Variants in CSMD1 observed in about 807,000 individuals in gnomAD.
The protein encoded by CSMD1 is CUB and Sushi multiple domains 1, also known as CUB and sushi domain-containing protein 1.
In CSMD1, 213 loss-of-function variants were observed where a neutral mutation model predicts 417.5. The observed-to-expected ratio is 0.51, with a 90% CI of 0.46 to 0.57. The LOEUF (loss-of-function observed/expected upper bound fraction) is 0.57, where lower values mean the gene tolerates loss of function less well. CSMD1 is among the 20% of genes least tolerant of loss of function. The pLI, the probability that CSMD1 is intolerant of heterozygous loss-of-function variation, is 0.00. For synonymous variants in CSMD1, 2,862 were observed against 1,736.8 expected (o/e 1.65, Z -16.11); for missense variants, 6,923 against 4,529.7 (o/e 1.53, Z -15.17).
chr8:4,030,100 G>A (rs1468066170), intron 4 of CSMD1, among the ~76,000 whole-genome samples: 1 of 152,188 alleles, frequency 6.6e-6, no homozygotes, highest in Non-Finnish European at 1.5e-5. Context: ...TTCATGGGCT[G>A]CTGTTAACTG....
intron 25 of CSMD1, among the ~76,000 whole-genome samples, chr8:3,294,399 G>C (rs1371016374): frequency 6.6e-6 from 1 of 152,186 alleles, no homozygotes; most frequent in Non-Finnish European, 1.5e-5. Flanking sequence ...GCCTTCTGTT[G>C]GTCTGTGCCC....
At chr8:3,416,490 C>T (rs906502626) in intron 12 of CSMD1, among the ~76,000 whole-genome samples, 10 of 151,988 alleles carry the variant, frequency 6.6e-5, no homozygotes, top group Admixed American at 5.2e-4. Flanking sequence ...AGAATGTATT[C>T]GGTGTATACT....
intron 5 of CSMD1, among the ~76,000 whole-genome samples, chr8:3,914,501 T>A (rs947224039): frequency 1.3e-5 from 2 of 152,228 alleles, no homozygotes; most frequent in South Asian, 2.1e-4. Flanking sequence ...GTGTGCAATC[T>A]GTGTAAAGTT....
intron 1 of CSMD1, among the ~76,000 whole-genome samples, chr8:4,849,020 G>A (rs1023686439): frequency 4.0e-5 from 6 of 151,826 alleles, no homozygotes; most frequent in South Asian, 2.1e-4. Flanking sequence ...TGTCATCCTA[G>A]GAGATGACAG....
intron 3 of CSMD1, among the ~76,000 whole-genome samples, chr8:4,120,498 G>A (rs954414895): frequency 1.3e-5 from 2 of 152,126 alleles, no homozygotes; most frequent in East Asian, 1.9e-4. Flanking sequence ...AGAACCAGGA[G>A]ATCAATTATT....
intron 1 of CSMD1, among the ~76,000 whole-genome samples, chr8:4,928,399 G>C (rs1243301806): frequency 6.6e-6 from 1 of 152,156 alleles, no homozygotes; most frequent in Non-Finnish European, 1.5e-5. Context: ...AAGAGCTGGG[G>C]CTTTCCCTGA....
At chr8:3,422,453 A>G (rs777425667) in intron 12 of CSMD1, among the ~76,000 whole-genome samples, 1 of 152,146 alleles carries the variant, frequency 6.6e-6, no homozygotes, top group African/African-American at 2.4e-5. Flanking sequence ...TTTCAAAAAT[A>G]TCATGTGCAT....
intron 56 of CSMD1, among the ~76,000 whole-genome samples, 152 bp downstream of exon 56, chr8:2,974,299 C>T (rs146471766): frequency 1.7e-4 from 26 of 152,328 alleles, no homozygotes; most frequent in Non-Finnish European, 2.8e-4. Context: ...TCTATAAGAG[C>T]GGCGTATTTG....
At chr8:4,102,035 A>T (rs989485459) in intron 3 of CSMD1, among the ~76,000 whole-genome samples, 3 of 152,214 alleles carry the variant, frequency 2.0e-5, no homozygotes, top group Non-Finnish European at 1.5e-5. Context: ...GATATGCAGA[A>T]ATCCCAAGTC....
At chr8:4,722,267 T>C (rs1405871831) in intron 1 of CSMD1, among the ~76,000 whole-genome samples, 1 of 152,170 alleles carries the variant, frequency 6.6e-6, no homozygotes, top group Admixed American at 6.6e-5. Flanking sequence ...GCTATCATAT[T>C]ATATTCCTTA....
At position 3,906,991 on chromosome 8, in the gene CSMD1, G is replaced by T. The variant is rs74685139; in HGVS notation, c.818+90912C>A. Among the ~76,000 whole-genome samples, 1,503 of 152,234 alleles carry T rather than the reference G, an allele frequency of 9.9e-3. 31 individuals carry two copies. The highest frequency in any genetic ancestry group is 0.033 in the African/African-American group (1,386 of 41,546). On this transcript the variant is annotated intron_variant, in intron 5 of 69. Coordinates refer to ENST00000635120, the MANE Select transcript of CSMD1 (RefSeq NM_033225.6). ...ACAACTGAAACGCTTCAAACATGTTGTAAGAAGGTCTTCATATTGCCCTTT... is the reference window on the plus strand; with the variant it reads ...ACAACTGAAACGCTTCAAACATGTTTTAAGAAGGTCTTCATATTGCCCTTT...
At chr8:3,159,664 A>C (rs1033840329) in intron 38 of CSMD1, among the ~76,000 whole-genome samples, 6 of 152,230 alleles carry the variant, frequency 3.9e-5, no homozygotes, top group African/African-American at 1.4e-4. Context: ...GACAAACAGC[A>C]GCTTGCAAAC....
rs376430679 is a variant in CSMD1 at position 4,720,713 on chromosome 8, C to T, written c.86-83155G>A. ...CTGGGATTACAGGTGTGAGCCACCA[C>T]GACTGGCTAAATAATTTTCTTATTT... On this transcript the variant is annotated intron_variant, in intron 1 of 69. Transcript: ENST00000635120. 1.6e-3 allele frequency among the ~76,000 whole-genome samples: 247 copies of T among 152,246 alleles called. 9 individuals are homozygous for T. In the South Asian group the frequency reaches 0.041, roughly 25 times the overall value.
rs772523417 is a variant in CSMD1 at position 3,343,379 on chromosome 8, G to C, written c.3546C>G (p.Ile1182Met). The C allele has an allele frequency of 2.2e-5, 35 of 1,613,710 alleles. No individual in the cohort carries two copies. In the South Asian group the frequency reaches 3.2e-4, roughly 15 times the overall value. ...ACAGGTGATTGGATGTGCTGTTTAG[G>C]ATCAGCCCCAGAAGTTCATTTTTAG... ...TFTKNELLGL[I>M]LNSTSNHLWL... The change falls in exon 23 of 70, where the codon ATC (isoleucine) becomes ATG (methionine). Residue 1182 changes from isoleucine to methionine, a missense_variant. Physicochemically the swap from Ile to Met is conservative, Grantham distance 10. Coordinates refer to ENST00000635120, the MANE Select transcript of CSMD1 (RefSeq NM_033225.6).
chr8:3,934,845 T>G (rs1322079450), intron 5 of CSMD1, among the ~76,000 whole-genome samples: 1 of 152,130 alleles, frequency 6.6e-6, no homozygotes, highest in East Asian at 1.9e-4. Flanking sequence ...AGACTCTGTC[T>G]CAATAAATAA....
intron 1 of CSMD1, among the ~76,000 whole-genome samples, chr8:4,661,230 T>C (rs1804586517): frequency 6.6e-6 from 1 of 152,132 alleles, no homozygotes. Flanking sequence ...CTTTAATGAG[T>C]GAATGGCTAA....
chr8:4,272,781 A>T (rs35958640), intron 3 of CSMD1, among the ~76,000 whole-genome samples: 27,569 of 152,108 alleles, frequency 0.18, 2,717 homozygotes, highest in East Asian at 0.4. Context: ...GGAGGTTAGT[A>T]TGAGATGACC....
intron 3 of CSMD1, among the ~76,000 whole-genome samples, chr8:4,409,227 C>A (rs1017739956): frequency 6.6e-6 from 1 of 152,096 alleles, no homozygotes; most frequent in Non-Finnish European, 1.5e-5. Context: ...TGATGAAATT[C>A]GAATGCATTT....
At chr8:3,897,950 A>G (rs545512424) in intron 5 of CSMD1, among the ~76,000 whole-genome samples, 112 of 152,338 alleles carry the variant, frequency 7.4e-4, no homozygotes, top group Non-Finnish European at 1.4e-3. Flanking sequence ...ATAATCACCA[A>G]ATGAAGACAC....
Sources: gnomAD v4.1 joint callset for allele counts (sites outside exome capture counted in the v4.1 genomes callset) on GRCh38, gnomAD v4.1.1 for gene constraint, MANE v1.5 for transcripts, NCBI Gene and HGNC (gene_info 2026-07-23, HGNC 2026-07-21) for gene names.